CERK: variants seen among roughly 807,000 people sequenced by gnomAD.
CERK encodes acylsphingosine kinase.
Under a neutral mutation model 63.4 loss-of-function variants are expected in CERK, and 39 were observed. That is an observed-to-expected ratio of 0.61 (90% CI 0.48 to 0.80). CERK has a LOEUF of 0.80. Ranked by LOEUF, CERK falls within the 30% of genes least tolerant of loss-of-function variation. The pLI is 0.00. For missense variants in CERK, 670 were observed against 714.1 expected (o/e 0.94, Z 0.70); for synonymous variants, 302 against 280.0 (o/e 1.08, Z -0.78).
At chr22:46,709,059 C>T (rs1432056080) in intron 5 of CERK, among the ~76,000 whole-genome samples, 1 of 152,138 alleles carries the variant, frequency 6.6e-6, no homozygotes, top group African/African-American at 2.4e-5. Context: ...AGGCTCTTTG[C>T]CCTTCCCCGT....
intron 9 of CERK, chr22:46,693,723 G>A (rs2082742840): frequency 2.0e-6 from 1 of 488,654 alleles, no homozygotes; most frequent in East Asian, 3.9e-5. Context: ...GTTTGGACAT[G>A]AGGAGAAGCA....
rs544274493 is a variant in CERK at position 46,685,562 on chromosome 22, G to A, written c.*1572C>T. 1 of 152,334 alleles carries A rather than the reference G, an allele frequency of 6.6e-6. No individual in the cohort carries two copies. The highest frequency in any genetic ancestry group is 2.1e-4 in the South Asian group (1 of 4,828). The allele number at this position is 152,334 out of a possible 1,614,324, so 9.4% of individuals were successfully genotyped here. A position where few individuals can be genotyped will look rare whatever the true frequency, so the allele number is the denominator to read the frequency against. On this transcript the variant is annotated 3_prime_UTR_variant, in exon 13 of 13. Coordinates refer to ENST00000216264, the MANE Select transcript of CERK (RefSeq NM_022766.6). ...AAGAGCAGCCCGTCTTAAATCTTTGGTTTCTTTCCAACCAGGAGCAAACAT... is the reference window on the plus strand; with the variant it reads ...AAGAGCAGCCCGTCTTAAATCTTTGATTTCTTTCCAACCAGGAGCAAACAT...
chr22:46,703,548 T>C (rs1455817234), intron 6 of CERK, among the ~76,000 whole-genome samples: 7 of 152,168 alleles, frequency 4.6e-5, no homozygotes, highest in Non-Finnish European at 1.0e-4. Flanking sequence ...CAGGTTGCCA[T>C]GGTGACCGTT....
Position 46,707,988 on chromosome 22 carries a change from G to A in CERK, c.570C>T (p.Gly190=), listed in dbSNP as rs766877316. 1.2e-6 allele frequency: 2 copies of A among 1,601,056 alleles called. No homozygotes were observed. Among genetic ancestry groups the A allele is most frequent in the Non-Finnish European group, 1.7e-6 (2 of 1,170,902 alleles). ...LYEINIDKYD[G]IVCVGGDGMF... ...TACCATCTCCGCCGACACAGACGAT[G>A]CTGCAGGAGGAACACAGCCGGTCAG... is the stretch of plus-strand genomic sequence containing the variant. The change falls in exon 6 of 13, where the codon GGC becomes GGT. Residue 190 remains glycine (G), a splice_region_variant and synonymous_variant. Coordinates refer to ENST00000216264, the MANE Select transcript of CERK (RefSeq NM_022766.6).
intron 5 of CERK, among the ~76,000 whole-genome samples, chr22:46,708,490 G>A (rs1363250989): frequency 2.0e-5 from 3 of 152,246 alleles, no homozygotes; most frequent in Non-Finnish European, 4.4e-5. Flanking sequence ...CACGACTCTA[G>A]CTCAGGCAGC....
At chr22:46,711,202 C>A (rs147179724) in intron 4 of CERK, 53 bp from the exon 5 acceptor site, 2 of 1,331,386 alleles carry the variant, frequency 1.5e-6, no homozygotes, top group South Asian at 1.2e-5. Context: ...TGAGTCCTCA[C>A]GTAAAAGGCA....
At position 46,720,971 on chromosome 22, in the gene CERK, T is replaced by C. The variant is rs1569328049; in HGVS notation, c.187A>G (p.Thr63Ala). ...CCTTGATGTTTCCCGTGAACGTCTG[T>C]TTCCTCAACGGCGATGATCTCAGAT... ...PVSEIIAVEE[T>A]DVHGKHQGSG... The change falls in exon 2 of 13, where the codon ACA (threonine) becomes GCA (alanine). Residue 63 changes from threonine to alanine, a missense_variant. Physicochemically the swap from Thr to Ala is moderately conservative, Grantham distance 58. Transcript: ENST00000216264. 1 of 1,613,848 alleles carries C rather than the reference T, an allele frequency of 6.2e-7. No individual in the cohort carries two copies. Among genetic ancestry groups the C allele is most frequent in the Non-Finnish European group, 8.5e-7 (1 of 1,179,760 alleles).
At chr22:46,687,350 T>C (rs1381762714) in intron 12 of CERK, 144 bp from the exon 13 acceptor site, 2 of 655,712 alleles carry the variant, frequency 3.1e-6, no homozygotes, top group South Asian at 3.8e-5. Flanking sequence ...GGACAGGGGC[T>C]GAAGTGGGGG....
chr22:46,708,235 G>C (rs2082823556), intron 5 of CERK, among the ~76,000 whole-genome samples: 1 of 152,194 alleles, frequency 6.6e-6, no homozygotes, highest in African/African-American at 2.4e-5. Context: ...CTGGAATTTG[G>C]GTGGCTAGGC....
chr22:46,687,210 C>CAG lies in CERK; in HGVS notation c.1542-6_1542-5dup. The CAG allele has an allele frequency of 1.9e-6, 3 of 1,613,754 alleles. No individual in the cohort carries two copies. The highest frequency in any genetic ancestry group is 2.5e-6 in the Non-Finnish European group (3 of 1,179,810). On this transcript the variant is annotated splice_polypyrimidine_tract_variant and splice_region_variant and intron_variant, in intron 12 of 12. Coordinates refer to ENST00000216264, the MANE Select transcript of CERK (RefSeq NM_022766.6). ...TCGAACCAGCTGGCAGTGGACTCTG[C>CAG]AGAGACAAGCGGCCACGTGTAAACC... is the stretch of plus-strand genomic sequence containing the variant.
At chr22:46,689,451 A>G (rs1487429322) in intron 12 of CERK, among the ~76,000 whole-genome samples, 2 of 152,310 alleles carry the variant, frequency 1.3e-5, no homozygotes, top group East Asian at 3.9e-4. Context: ...GCTCACTGCA[A>G]CTTCTGCCTC....
At chr22:46,691,045 G>A (rs1367961741) in intron 11 of CERK, among the ~76,000 whole-genome samples, 15 of 95,838 alleles carry the variant, frequency 1.6e-4, no homozygotes, top group African/African-American at 5.9e-4. Context: ...ACACACACAT[G>A]TATACATACA....
rs1168197800 is a variant in CERK, at chr22:46,738,083, G to T, written c.66C>A (p.Ala22=). 1 of 1,279,686 alleles carries T rather than the reference G, an allele frequency of 7.8e-7. No individual in the cohort carries two copies. The highest frequency in any genetic ancestry group is 9.9e-7 in the Non-Finnish European group (1 of 1,006,510). 79.3% of individuals were successfully genotyped at this position (1,279,686 alleles called of 1,614,324 possible). A position where few individuals can be genotyped will look rare whatever the true frequency, so the allele number is the denominator to read the frequency against. ...GAGCCCGCGCGGGCTCCAGGCTCAC[G>T]GCGCAGCGCTGCTGCTTCACCCACA... ...SVLWVKQQRC[A]VSLEPARALL... is the part of the protein sequence containing the mutation. Residue 22 remains alanine, a synonymous_variant, in exon 1 of 13, where the codon GCC becomes GCA. Coordinates refer to ENST00000216264, the MANE Select transcript of CERK (RefSeq NM_022766.6).
Position 46,711,166 on chromosome 22 carries a change from C to A in CERK, c.506-17G>T, listed in dbSNP as rs367883475. ...GTTCAGTAACTGTGGGGAAAAATTA[C>A]ATCACACAGTTTATATTCACATCTG... On this transcript the variant is annotated splice_polypyrimidine_tract_variant and intron_variant, in intron 4 of 12. Coordinates refer to ENST00000216264, the MANE Select transcript of CERK (RefSeq NM_022766.6). The A allele has an allele frequency of 2.6e-5, 42 of 1,595,454 alleles. No homozygotes were observed. In the African/African-American group the frequency reaches 5.0e-4, roughly 19 times the overall value.
chr22:46,720,039 G>T, intron 3 of CERK, 47 bp downstream of exon 3: 1 of 1,596,100 alleles, frequency 6.3e-7, no homozygotes. Flanking sequence ...TCAGGCATGC[G>T]CATGCCACCA....
At chr22:46,709,464 T>C (rs554875739) in intron 5 of CERK, among the ~76,000 whole-genome samples, 9 of 152,294 alleles carry the variant, frequency 5.9e-5, no homozygotes, top group Non-Finnish European at 1.0e-4. Context: ...CCCTGCTTCC[T>C]GGAGCCCATG....
intron 10 of CERK, 53 bp downstream of exon 10, chr22:46,693,374 C>T: frequency 6.0e-6 from 9 of 1,487,644 alleles, no homozygotes; most frequent in East Asian, 2.3e-5. Flanking sequence ...AGGACAGAAA[C>T]CCGCACTCCA....
chr22:46,720,622 G>C (rs142720465), intron 2 of CERK, among the ~76,000 whole-genome samples: 1 of 152,252 alleles, frequency 6.6e-6, no homozygotes, highest in Non-Finnish European at 1.5e-5. Context: ...CTTGAACCCA[G>C]GAAGCAGAGG....
intron 8 of CERK, among the ~76,000 whole-genome samples, chr22:46,697,168 G>A (rs144097247): frequency 5.3e-5 from 8 of 152,202 alleles, no homozygotes; most frequent in African/African-American, 1.4e-4. Flanking sequence ...TCTCATAAGG[G>A]TTAAGATTTT....
Sources: gnomAD v4.1 joint callset for allele counts (sites outside exome capture counted in the v4.1 genomes callset) on GRCh38, gnomAD v4.1.1 for gene constraint, MANE v1.5 for transcripts, NCBI Gene and HGNC (gene_info 2026-07-23, HGNC 2026-07-21) for gene names.